Variants in PEX14 observed in about 807,000 individuals in gnomAD.
The protein encoded by PEX14 is peroxisomal membrane protein PEX14.
Under a neutral mutation model 49.5 loss-of-function variants are expected in PEX14, and 15 were observed. The ratio of observed to expected loss-of-function variants is 0.30; its 90% CI spans 0.20 to 0.47. PEX14 has a LOEUF of 0.47. PEX14 is among the 20% of genes least tolerant of loss of function. PEX14 has a pLI of 1.00. For synonymous variants in PEX14, 210 were observed against 212.7 expected, an observed-to-expected ratio of 0.99 and a Z score of 0.11; for missense variants, 398 against 494.8, an observed-to-expected ratio of 0.80 and a Z score of 1.86.
intron 1 of PEX14, among the ~76,000 whole-genome samples, chr1:10,481,140 C>CT (rs544692572): frequency 0.11 from 16,076 of 140,716 alleles, 1,138 homozygotes; most frequent in South Asian, 0.23. Flanking sequence ...CCTTTCCTTC[C>CT]TTTTTTTTTT....
At chr1:10,615,265 G>A (rs1641380325) in intron 4 of PEX14, among the ~76,000 whole-genome samples, 1 of 152,202 alleles carries the variant, frequency 6.6e-6, no homozygotes, top group Admixed American at 6.5e-5. Flanking sequence ...AACCAGAGAA[G>A]ATGTTTGCGA....
chr1:10,624,255 G>A (rs1368784232), intron 6 of PEX14, 85 bp from the exon 7 acceptor site: 12 of 864,466 alleles, frequency 1.4e-5, no homozygotes, highest in Admixed American at 1.0e-4. Flanking sequence ...GCGGGAACAC[G>A]GGCAGCTCCG....
At chr1:10,532,211 C>T (rs1638671003) in intron 2 of PEX14, among the ~76,000 whole-genome samples, 7 of 152,190 alleles carry the variant, frequency 4.6e-5, no homozygotes, top group Admixed American at 4.6e-4. Context: ...ACTCCAGTGA[C>T]TCCGGTGTAA....
intron 1 of PEX14, among the ~76,000 whole-genome samples, chr1:10,487,481 C>CTTTTTTTTTTTTT (rs33968565): frequency 1.0e-4 from 9 of 86,752 alleles, no homozygotes; most frequent in South Asian, 4.5e-4. Context: ...TTCTTTCTTT[C>CTTTTTTTTTTTTT]TTTTTTTTTT....
chr1:10,499,141 T>C (rs1488872120), intron 2 of PEX14, among the ~76,000 whole-genome samples: 1 of 152,242 alleles, frequency 6.6e-6, no homozygotes, highest in Non-Finnish European at 1.5e-5. Context: ...GAGCTTTCCA[T>C]TTAGTCATAT....
intron 2 of PEX14, among the ~76,000 whole-genome samples, chr1:10,533,786 C>T (rs184670530): frequency 5.9e-5 from 9 of 152,294 alleles, no homozygotes; most frequent in Admixed American, 5.2e-4. Flanking sequence ...GATGATAATT[C>T]ATGTTTATTG....
chr1:10,527,627 A>G (rs906907332), intron 2 of PEX14, among the ~76,000 whole-genome samples: 5 of 151,054 alleles, frequency 3.3e-5, no homozygotes, highest in Non-Finnish European at 4.4e-5. Context: ...TCATTCTCTA[A>G]TTTTCTTATG....
At chr1:10,596,294 C>A (rs284267) in intron 3 of PEX14, among the ~76,000 whole-genome samples, 35,430 of 152,122 alleles carry the variant, frequency 0.23, 6,074 homozygotes, top group African/African-American at 0.49. Flanking sequence ...GACTTGATTT[C>A]GGGTTAGAAT....
At chr1:10,591,965 A>G (rs1640681193) in intron 3 of PEX14, among the ~76,000 whole-genome samples, 1 of 152,160 alleles carries the variant, frequency 6.6e-6, no homozygotes, top group Non-Finnish European at 1.5e-5. Context: ...CAGAAGGAAA[A>G]AAGAAAAAGA....
Position 10,629,429 on chromosome 1 carries a change from G to A in PEX14, c.678-102G>A. On this transcript the variant is annotated intron_variant, in intron 8 of 8. Transcript: ENST00000356607. This position sits in a 1 kb window ranked among gnomAD's most constrained non-coding sequence, Gnocchi z 8.5. ...CTTGCCCAGTGTCCCTGGGGGAGCA[G>A]CTCACCATCGCCGAGCCCTTGCGGG... is the stretch of plus-strand genomic sequence containing the variant. 5 of 795,582 alleles carry A rather than the reference G, an allele frequency of 6.3e-6. No homozygotes were observed. The East Asian group carries it at 1.2e-4, about 19-fold the overall frequency. The allele number at this position is 795,582 out of a possible 1,614,324, so 49.3% of individuals were successfully genotyped here.
chr1:10,523,129 CT>C (rs924861741), intron 2 of PEX14, among the ~76,000 whole-genome samples: 1 of 151,658 alleles, frequency 6.6e-6, no homozygotes, highest in South Asian at 2.1e-4. Flanking sequence ...TGCTGTTGGG[CT>C]TTTTTTTGCT....
chr1:10,578,258 G>C (rs189631040), intron 3 of PEX14, among the ~76,000 whole-genome samples: 5 of 152,244 alleles, frequency 3.3e-5, no homozygotes, highest in Admixed American at 3.3e-4. Context: ...GTGGGAGAGA[G>C]AGAATTTGGA....
intron 2 of PEX14, among the ~76,000 whole-genome samples, chr1:10,519,290 T>G (rs1335220627): frequency 6.6e-6 from 1 of 152,118 alleles, no homozygotes; most frequent in Non-Finnish European, 1.5e-5. Context: ...TTAGCAGCTC[T>G]GTGTGTGTGG....
intron 2 of PEX14, among the ~76,000 whole-genome samples, chr1:10,502,936 T>G (rs1352412676): frequency 1.3e-5 from 2 of 151,640 alleles, no homozygotes; most frequent in Non-Finnish European, 2.9e-5. Flanking sequence ...TAGCTGGGAC[T>G]ACCGGTGCAC....
At chr1:10,625,599 G>C (rs1233807990) in intron 7 of PEX14, among the ~76,000 whole-genome samples, 3 of 152,200 alleles carry the variant, frequency 2.0e-5, no homozygotes, top group African/African-American at 7.2e-5. Flanking sequence ...GATGGCTGTG[G>C]GTACTGGTGA....
chr1:10,496,998 G>A (rs1641578605), intron 2 of PEX14, among the ~76,000 whole-genome samples: 1 of 151,422 alleles, frequency 6.6e-6, no homozygotes, highest in Non-Finnish European at 1.5e-5. Flanking sequence ...AAAAACCCCC[G>A]AAATAAACTC....
chr1:10,564,073 A>G (rs1308176313), intron 3 of PEX14, among the ~76,000 whole-genome samples: 2 of 151,682 alleles, frequency 1.3e-5, no homozygotes, highest in African/African-American at 2.4e-5. Context: ...TAGTTTTCCT[A>G]TGTGATGTTC....
chr1:10,540,747 T>C (rs1455884413), intron 3 of PEX14, among the ~76,000 whole-genome samples: 2 of 152,216 alleles, frequency 1.3e-5, no homozygotes, highest in African/African-American at 2.4e-5. Flanking sequence ...AGCAGATAGC[T>C]TGGGGGGAGG....
At chr1:10,598,731 AT>A (rs1640897417) in intron 3 of PEX14, among the ~76,000 whole-genome samples, 1 of 151,982 alleles carries the variant, frequency 6.6e-6, no homozygotes, top group East Asian at 1.9e-4. Flanking sequence ...GTCAGTCCTG[AT>A]TTTTCTTTTT....
Sources: allele counts gnomAD v4.1 joint callset (sites outside exome capture counted in the v4.1 genomes callset), GRCh38; gene constraint gnomAD v4.1.1; non-coding constraint Gnocchi (gnomAD v3.1); transcripts MANE v1.5; gene names NCBI Gene and HGNC (gene_info 2026-07-23, HGNC 2026-07-21).